HMGA2: variants seen among roughly 807,000 people sequenced by gnomAD.
The protein encoded by HMGA2 is high mobility group protein HMGI-C.
HMGA2 carries 8 observed loss-of-function variants against 19.1 expected under a neutral mutation model. The observed-to-expected ratio is 0.42, with a 90% CI of 0.25 to 0.76. The LOEUF is 0.76. Among genes scored for constraint, HMGA2 ranks in the 30% least tolerant of loss-of-function variants. The probability of loss-of-function intolerance (pLI) is 0.28; values close to 1 mark genes in which losing one functional copy is unlikely to be tolerated. For synonymous variants in HMGA2, 60 were observed against 48.8 expected (o/e 1.23, Z -0.96); for missense variants, 109 against 136.3 (o/e 0.80, Z 1.00).
intron 3 of HMGA2, chr12:65,843,593 A>T (rs1439821955): frequency 1.2e-5 from 2 of 173,766 alleles, no homozygotes; most frequent in African/African-American, 4.8e-5. Flanking sequence ...AGAACCCGGA[A>T]ATCTGATTTT....
At chr12:65,830,390 A>G (rs1870427789) in intron 2 of HMGA2, among the ~76,000 whole-genome samples, 1 of 152,006 alleles carries the variant, frequency 6.6e-6, no homozygotes, top group Non-Finnish European at 1.5e-5. Flanking sequence ...AGAAAAAGTT[A>G]TATTGTTCAT....
intron 2 of HMGA2, among the ~76,000 whole-genome samples, chr12:65,835,718 C>G (rs909912019): frequency 2.0e-5 from 3 of 152,150 alleles, no homozygotes; most frequent in African/African-American, 7.2e-5. Flanking sequence ...AAAAACCTCT[C>G]TCTTCAATAG....
intron 3 of HMGA2, among the ~76,000 whole-genome samples, chr12:65,885,182 A>G (rs1346861310): frequency 3.3e-5 from 5 of 152,212 alleles, no homozygotes; most frequent in Non-Finnish European, 7.3e-5. Flanking sequence ...CATATAACAG[A>G]TGAAATTACA....
rs1401439746 is a variant in HMGA2, at chr12:65,892,080, G to A, written c.249+53511G>A. Among the ~76,000 whole-genome samples the A allele has an allele frequency of 2.6e-5, 4 of 152,156 alleles. 1 individual carries two copies. Among genetic ancestry groups the A allele is most frequent in the Non-Finnish European group, 4.4e-5 (3 of 68,020 alleles). ...GACCGGAGTGCTCTGCCTCTGCGCC[G>A]ACACTCACTCTGATGGTCTTGGCTG... is the stretch of plus-strand genomic sequence containing the variant. On this transcript the variant is annotated intron_variant, in intron 3 of 4. Transcript: ENST00000403681.
At chr12:65,874,714 T>C (rs1237371488) in intron 3 of HMGA2, among the ~76,000 whole-genome samples, 1 of 152,224 alleles carries the variant, frequency 6.6e-6, no homozygotes, top group Non-Finnish European at 1.5e-5. Flanking sequence ...AAGTAATGGA[T>C]AATCATAGTT....
At chr12:65,942,409 A>G (rs927204524) in intron 3 of HMGA2, among the ~76,000 whole-genome samples, 2 of 152,156 alleles carry the variant, frequency 1.3e-5, no homozygotes, top group Non-Finnish European at 2.9e-5. Context: ...AAAAATATGT[A>G]TATATGTGTG....
At chr12:65,921,188 T>C (rs1340904736) in intron 3 of HMGA2, among the ~76,000 whole-genome samples, 1 of 152,224 alleles carries the variant, frequency 6.6e-6, no homozygotes, top group African/African-American at 2.4e-5. Flanking sequence ...TAGAGTATCT[T>C]GCAGAAGAAA....
intron 4 of HMGA2, chr12:65,958,481 G>A (rs966262976): frequency 2.0e-5 from 3 of 152,230 alleles, no homozygotes; most frequent in East Asian, 1.9e-4. Flanking sequence ...AAACAGTCCC[G>A]ATAAATTTTA....
At chr12:65,873,297 C>G (rs1872801219) in intron 3 of HMGA2, among the ~76,000 whole-genome samples, 1 of 152,174 alleles carries the variant, frequency 6.6e-6, no homozygotes, top group Admixed American at 6.5e-5. Context: ...GTACCATGAG[C>G]TCTCTAGGTT....
intron 2 of HMGA2, among the ~76,000 whole-genome samples, 188 bp from the exon 3 acceptor site, chr12:65,838,331 G>C (rs1270382093): frequency 6.7e-6 from 1 of 149,584 alleles, no homozygotes; most frequent in Non-Finnish European, 1.5e-5. Flanking sequence ...CAATGAAGAA[G>C]AATCTACTCA....
rs911877601 is a variant in HMGA2 at position 65,891,927 on chromosome 12, C to T, written c.249+53358C>T. Among the ~76,000 whole-genome samples, 6 of 152,354 alleles carry T rather than the reference C, an allele frequency of 3.9e-5. No homozygotes were observed. In the South Asian group the frequency reaches 1.0e-3, roughly 26 times the overall value. ...GGTCAGTCCCTTTTTCTGTGTGTTT[C>T]ATCCTCTCTTGGCAGCCTGTTTGCT... On this transcript the variant is annotated intron_variant, in intron 3 of 4. Transcript: ENST00000403681.
chr12:65,876,196 A>G (rs1280398142), intron 3 of HMGA2, among the ~76,000 whole-genome samples: 3 of 151,860 alleles, frequency 2.0e-5, no homozygotes, highest in African/African-American at 7.3e-5. Flanking sequence ...CCAGCCTGTT[A>G]GTTAAATATG....
intron 3 of HMGA2, among the ~76,000 whole-genome samples, chr12:65,840,800 G>T (rs903093835): frequency 2.6e-5 from 4 of 152,150 alleles, no homozygotes; most frequent in African/African-American, 9.7e-5. Flanking sequence ...TTGAAGCCAT[G>T]GGATTAATGT....
intron 2 of HMGA2, among the ~76,000 whole-genome samples, chr12:65,833,164 A>C (rs551248121): frequency 6.6e-6 from 1 of 152,136 alleles, no homozygotes; most frequent in African/African-American, 2.4e-5. Context: ...AAAGTGTTGC[A>C]TGTAAAATTA....
chr12:65,964,331 C>A lies in HMGA2; in HGVS notation c.*1039C>A. ...GGGCAATCTCTCTCTGTGTCTTTCT[C>A]TCTCTCTCTTCCTCTCCCTCTCTCT... On this transcript the variant is annotated 3_prime_UTR_variant, in exon 5 of 5. Coordinates refer to ENST00000403681, the MANE Select transcript of HMGA2 (RefSeq NM_003483.6). 4.8e-6 allele frequency: 1 copy of A among 208,752 alleles called. No homozygotes were observed. Among genetic ancestry groups the A allele is most frequent in the Non-Finnish European group, 9.3e-6 (1 of 107,042 alleles). 12.9% of individuals were successfully genotyped at this position (208,752 alleles called of 1,614,324 possible).
chr12:65,919,238 C>T (rs1355247957), intron 3 of HMGA2, among the ~76,000 whole-genome samples: 1 of 152,180 alleles, frequency 6.6e-6, no homozygotes, highest in Non-Finnish European at 1.5e-5. Flanking sequence ...GTCTTTATTA[C>T]TCACCCTAAC....
At chr12:65,899,778 T>A (rs1437241910) in intron 3 of HMGA2, among the ~76,000 whole-genome samples, 2 of 152,224 alleles carry the variant, frequency 1.3e-5, no homozygotes, top group Non-Finnish European at 2.9e-5. Context: ...CTCTGGATAG[T>A]TTTCATTTTA....
In HMGA2 at chr12:65,825,211, C is replaced by A; in HGVS notation, c.-60C>A. On this transcript the variant is annotated 5_prime_UTR_variant, in exon 1 of 5. Coordinates refer to ENST00000403681, the MANE Select transcript of HMGA2 (RefSeq NM_003483.6). This position sits in a 1 kb window ranked among gnomAD's most constrained non-coding sequence, Gnocchi z 4.4. Reference sequence around the variant, plus strand: ...ACCTCATCTCCCGAAAGGTGCTGGGCAGCTCCGGGGCGGTCGAGGCGAAGC... The same window carrying A: ...ACCTCATCTCCCGAAAGGTGCTGGGAAGCTCCGGGGCGGTCGAGGCGAAGC... The A allele has an allele frequency of 7.1e-7, 1 of 1,414,406 alleles. No homozygotes were observed. Among genetic ancestry groups the A allele is most frequent in the Non-Finnish European group, 9.6e-7 (1 of 1,046,256 alleles). The allele number at this position is 1,414,406 out of a possible 1,614,324, so 87.6% of individuals were successfully genotyped here.
chr12:65,857,500 T>G (rs551755645), intron 3 of HMGA2: 1 of 152,354 alleles, frequency 6.6e-6, no homozygotes, highest in East Asian at 1.9e-4. Flanking sequence ...TAATGGTGTG[T>G]ATTCAATTTT....
Sources: gnomAD v4.1 joint callset for allele counts (sites outside exome capture counted in the v4.1 genomes callset) on GRCh38, gnomAD v4.1.1 for gene constraint, Gnocchi (gnomAD v3.1) non-coding constraint, MANE v1.5 for transcripts, NCBI Gene and HGNC (gene_info 2026-07-23, HGNC 2026-07-21) for gene names.